PARD3B: variants seen among roughly 807,000 people sequenced by gnomAD.
PARD3B encodes par-3 family cell polarity regulator beta, also known as partitioning defective 3 homolog B.
PARD3B carries 103 observed loss-of-function variants against 130.2 expected under a neutral mutation model. The observed-to-expected ratio is 0.79, with a 90% CI of 0.67 to 0.93. PARD3B has a LOEUF of 0.93. Among genes scored for constraint, PARD3B ranks in the 40% least tolerant of loss-of-function variants. The pLI, the probability that PARD3B is intolerant of heterozygous loss-of-function variation, is 0.00. For missense variants in PARD3B, 1,609 were observed against 1,499.2 expected, an observed-to-expected ratio of 1.07 and a Z score of -1.21; for synonymous variants, 583 against 553.2, an observed-to-expected ratio of 1.05 and a Z score of -0.76.
intron 3 of PARD3B, among the ~76,000 whole-genome samples, chr2:205,035,183 C>T (rs1697729985): frequency 6.6e-6 from 1 of 152,096 alleles, no homozygotes; most frequent in Non-Finnish European, 1.5e-5. Flanking sequence ...TCTTTAATCA[C>T]CTCTCCATAT....
intron 1 of PARD3B, among the ~76,000 whole-genome samples, chr2:204,661,475 A>G (rs1413067510): frequency 6.6e-6 from 1 of 152,108 alleles, no homozygotes; most frequent in Non-Finnish European, 1.5e-5. Flanking sequence ...GTACCTCATG[A>G]CCAGAGGCAG....
chr2:205,538,999 A>G (rs715235), intron 21 of PARD3B, among the ~76,000 whole-genome samples: 6,297 of 152,248 alleles, frequency 0.041, 214 homozygotes, highest in South Asian at 0.13. Context: ...AAGTTAACTT[A>G]CCCAAAATCA....
At chr2:205,240,311 C>G (rs573847138) in intron 15 of PARD3B, among the ~76,000 whole-genome samples, 22 of 152,116 alleles carry the variant, frequency 1.4e-4, no homozygotes, top group Non-Finnish European at 2.9e-4. Flanking sequence ...TAAGGGATTA[C>G]TTGATATTTA....
At chr2:204,792,006 A>G (rs2042220969) in intron 2 of PARD3B, among the ~76,000 whole-genome samples, 2 of 152,204 alleles carry the variant, frequency 1.3e-5, no homozygotes, top group Non-Finnish European at 2.9e-5. Flanking sequence ...TATTTTTATC[A>G]CATTTACTAA....
rs1335486352 is a variant in PARD3B at position 205,407,075 on chromosome 2, C to T, written c.2741+5952C>T. Among the ~76,000 whole-genome samples, 1 of 152,106 alleles carries T rather than the reference C, an allele frequency of 6.6e-6. No individual in the cohort carries two copies. The highest frequency in any genetic ancestry group is 2.4e-5 in the African/African-American group (1 of 41,428). On this transcript the variant is annotated intron_variant, in intron 19 of 22. Coordinates refer to ENST00000406610, the MANE Select transcript of PARD3B (RefSeq NM_001302769.2). The surrounding 1 kb of genome is among the most constrained non-coding windows in gnomAD (Gnocchi z 4.1). ...AATATCTTAAGTATGGAAGCATTTA[C>T]TTTTACTTTTCTAGAGCAATAATTA...
intron 20 of PARD3B, among the ~76,000 whole-genome samples, chr2:205,499,684 G>C (rs2050084744): frequency 6.6e-6 from 1 of 152,156 alleles, no homozygotes; most frequent in Non-Finnish European, 1.5e-5. Flanking sequence ...TTCATCCCAA[G>C]TCAGACATTT....
chr2:205,300,056 T>C lies in PARD3B; in HGVS notation c.2186-474T>C, dbSNP rs2041939850. ...GCAACCATGGCAATGATAAAAGCTG[T>C]CAGGTGTGGGAGTGCTAGGACGATA... On this transcript the variant is annotated intron_variant, in intron 16 of 22. Transcript: ENST00000406610. The surrounding 1 kb of genome is among the most constrained non-coding windows in gnomAD (Gnocchi z 4.1). Among the ~76,000 whole-genome samples, 1 of 152,146 alleles carries C rather than the reference T, an allele frequency of 6.6e-6. No homozygotes were observed. Among genetic ancestry groups the C allele is most frequent in the Non-Finnish European group, 1.5e-5 (1 of 68,022 alleles).
Position 204,967,895 on chromosome 2 carries a change from T to G in PARD3B, c.394+2572T>G, listed in dbSNP as rs757990015. Among the ~76,000 whole-genome samples the G allele has an allele frequency of 6.6e-6, 1 of 152,116 alleles. No individual in the cohort carries two copies. The highest frequency in any genetic ancestry group is 2.4e-5 in the African/African-American group (1 of 41,422). ...TCCTGTCTGGTCCACCCTGAAAGCC[T>G]GCTTAGGTGAAGAATGGGAGGGGCG... On this transcript the variant is annotated intron_variant, in intron 3 of 22. Transcript: ENST00000406610. The surrounding 1 kb of genome is among the most constrained non-coding windows in gnomAD (Gnocchi z 4.4).
intron 4 of PARD3B, among the ~76,000 whole-genome samples, chr2:205,100,424 A>G (rs1209629533): frequency 1.3e-5 from 2 of 152,040 alleles, no homozygotes; most frequent in African/African-American, 2.4e-5. Context: ...TGATCTATGT[A>G]TTCAATGCAA....
At chr2:204,665,714 C>G (rs1432752979) in intron 1 of PARD3B, among the ~76,000 whole-genome samples, 2 of 152,162 alleles carry the variant, frequency 1.3e-5, no homozygotes. Flanking sequence ...TGACCTCTAA[C>G]TGGTAATTTT....
chr2:205,068,706 A>G (rs879860129), intron 4 of PARD3B, among the ~76,000 whole-genome samples: 21 of 152,158 alleles, frequency 1.4e-4, no homozygotes, highest in Admixed American at 1.3e-3. Flanking sequence ...CTATAGCTGC[A>G]TCCGCTAATT....
At chr2:205,443,109 A>G (rs2047781602) in intron 20 of PARD3B, among the ~76,000 whole-genome samples, 1 of 152,222 alleles carries the variant, frequency 6.6e-6, no homozygotes, top group Admixed American at 6.5e-5. Context: ...CATAGTAAGC[A>G]TTCACTAATG....
intron 2 of PARD3B, among the ~76,000 whole-genome samples, chr2:204,841,088 C>T (rs1464574461): frequency 6.6e-6 from 1 of 152,096 alleles, no homozygotes; most frequent in Non-Finnish European, 1.5e-5. Flanking sequence ...AGCACATTGG[C>T]AAGGACAACA....
rs1016083906 is a variant in PARD3B at position 204,813,832 on chromosome 2, G to A, written c.222+127550G>A. 2.0e-5 allele frequency among the ~76,000 whole-genome samples: 3 copies of A among 152,000 alleles called. No homozygotes were observed. In the South Asian group the frequency reaches 6.2e-4, roughly 32 times the overall value. ...AAATTCTGATGTCCATATACTTTTGGATATTTCTTGGCTCATGACTATCTT... is the reference window on the plus strand; with the variant it reads ...AAATTCTGATGTCCATATACTTTTGAATATTTCTTGGCTCATGACTATCTT... On this transcript the variant is annotated intron_variant, in intron 2 of 22. Coordinates refer to ENST00000406610, the MANE Select transcript of PARD3B (RefSeq NM_001302769.2).
At chr2:205,218,038 G>A (rs920686169) in intron 15 of PARD3B, among the ~76,000 whole-genome samples, 5 of 150,806 alleles carry the variant, frequency 3.3e-5, no homozygotes, top group Admixed American at 1.3e-4. Context: ...GATTACAGAC[G>A]TGCTTCACAA....
chr2:205,547,214 C>T (rs2052417007), intron 21 of PARD3B, among the ~76,000 whole-genome samples: 1 of 152,144 alleles, frequency 6.6e-6, no homozygotes, highest in Non-Finnish European at 1.5e-5. Context: ...ATAAGCATGA[C>T]AGCATAAGAC....
rs750917995 is a variant in PARD3B at position 204,546,068 on chromosome 2, C to T, written c.69C>T (p.Val23=). 4.3e-5 allele frequency: 67 copies of T among 1,560,634 alleles called. No homozygotes were observed. The Admixed American group carries it at 1.2e-3, about 29-fold the overall frequency. The change falls in exon 1 of 23, where the codon GTC becomes GTT. Residue 23 remains valine (V), a synonymous_variant. Transcript: ENST00000406610. ...CCTGCAAGGAGGGCCAGCTGCGCGT[C>T]GGCGAGCTCACCCAGCAGGCGCTGC... ...VVPCKEGQLR[V]GELTQQALQR...
At chr2:204,600,767 G>C (rs189500336) in intron 1 of PARD3B, among the ~76,000 whole-genome samples, 11 of 151,816 alleles carry the variant, frequency 7.2e-5, no homozygotes, top group Admixed American at 4.6e-4. Context: ...TTGTGATATT[G>C]ACCTGTATTC....
At chr2:204,711,026 A>G (rs2038407239) in intron 2 of PARD3B, among the ~76,000 whole-genome samples, 1 of 152,162 alleles carries the variant, frequency 6.6e-6, no homozygotes, top group Non-Finnish European at 1.5e-5. Context: ...TAAGCAAATC[A>G]TTTCTCTAAA....
Sources: allele counts gnomAD v4.1 joint callset (sites outside exome capture counted in the v4.1 genomes callset), GRCh38; gene constraint gnomAD v4.1.1; non-coding constraint Gnocchi (gnomAD v3.1); transcripts MANE v1.5; gene names NCBI Gene and HGNC (gene_info 2026-07-23, HGNC 2026-07-21).